The following KSR2 variants were observed in gnomAD, a reference collection of about 807,000 sequenced individuals.
KSR2 encodes the protein kinase suppressor of ras 2.
A neutral mutation model predicts 107.8 loss-of-function variants in KSR2; 25 were observed. That is an observed-to-expected ratio of 0.23 (90% CI 0.17 to 0.32). The LOEUF (loss-of-function observed/expected upper bound fraction) is 0.32. Ranked by LOEUF, KSR2 falls within the 10% of genes least tolerant of loss-of-function variation. The probability of loss-of-function intolerance (pLI) is 1.00; values close to 1 mark genes in which losing one functional copy is unlikely to be tolerated. For missense variants in KSR2, 887 were observed against 1,268.9 expected, an observed-to-expected ratio of 0.70 and a Z score of 4.57; for synonymous variants, 480 against 507.0, an observed-to-expected ratio of 0.95 and a Z score of 0.71.
chr12:117,932,165 T>C (rs759837664), intron 1 of KSR2, among the ~76,000 whole-genome samples: 20 of 152,124 alleles, frequency 1.3e-4, no homozygotes, highest in Admixed American at 1.3e-4. Context: ...TGGGCGCCTG[T>C]AATCTCGGCT....
At position 117,907,346 on chromosome 12, in the gene KSR2, T is replaced by G. The variant is rs992723645; in HGVS notation, c.181-46915A>C. On this transcript the variant is annotated intron_variant, in intron 1 of 19. Transcript: ENST00000339824. This position sits in a 1 kb window ranked among gnomAD's most constrained non-coding sequence, Gnocchi z 4.3. ...CAGGTGCACTCTCTTTGAGCCAGGA[T>G]TTATAAAGCTCAAGGAAATGAGTCC... Among the ~76,000 whole-genome samples the G allele has an allele frequency of 6.6e-6, 1 of 151,994 alleles. No homozygotes were observed. Among genetic ancestry groups the G allele is most frequent in the Admixed American group, 6.5e-5 (1 of 15,268 alleles).
In KSR2 at chr12:117,549,199, T is replaced by C. The variant is rs1471378716; in HGVS notation, c.1518+5970A>G. Among the ~76,000 whole-genome samples, 4 of 152,218 alleles carry C rather than the reference T, an allele frequency of 2.6e-5. No individual in the cohort carries two copies. In the South Asian group the frequency reaches 8.3e-4, roughly 32 times the overall value. On this transcript the variant is annotated intron_variant, in intron 9 of 19. Coordinates refer to ENST00000339824, the MANE Select transcript of KSR2 (RefSeq NM_173598.6). ...ATGGACATATTAGTGTAAGGAATAA[T>C]ATGTCAGTGACGTGTGGAGTGAAGA...
intron 3 of KSR2, among the ~76,000 whole-genome samples, chr12:117,812,369 T>C (rs544727398): frequency 6.6e-6 from 1 of 152,366 alleles, no homozygotes; most frequent in South Asian, 2.1e-4. Context: ...TGAATGTCAC[T>C]GGTTTCTTTT....
intron 1 of KSR2, among the ~76,000 whole-genome samples, chr12:117,957,748 TACACAC>T (rs60722226): frequency 4.1e-5 from 6 of 148,118 alleles, no homozygotes; most frequent in Admixed American, 3.4e-4. Flanking sequence ...AATTGTGAGT[TACACAC>T]ACACACACAC....
intron 1 of KSR2, among the ~76,000 whole-genome samples, chr12:117,882,851 A>C (rs963270532): frequency 2.6e-5 from 4 of 151,764 alleles, no homozygotes; most frequent in Admixed American, 2.0e-4. Flanking sequence ...CCATCCATCC[A>C]ACAATCCATC....
intron 10 of KSR2, among the ~76,000 whole-genome samples, chr12:117,534,320 CT>C (rs1375995480): frequency 6.6e-6 from 1 of 152,196 alleles, no homozygotes; most frequent in Non-Finnish European, 1.5e-5. Flanking sequence ...CTCTGAGTCT[CT>C]CTGGAGGCCA....
chr12:117,641,211 C>T (rs1883339205), intron 5 of KSR2, among the ~76,000 whole-genome samples: 1 of 152,152 alleles, frequency 6.6e-6, no homozygotes, highest in South Asian at 2.1e-4. Flanking sequence ...ATTCTCCTGC[C>T]TCAGTCTCCC....
chr12:117,688,346 C>T (rs774858479), intron 4 of KSR2, among the ~76,000 whole-genome samples: 2 of 152,178 alleles, frequency 1.3e-5, no homozygotes, highest in Admixed American at 6.5e-5. Context: ...CACTGCACCC[C>T]GGCCTGGGTG....
chr12:117,601,338 C>A (rs943452314), intron 5 of KSR2, among the ~76,000 whole-genome samples: 1 of 151,326 alleles, frequency 6.6e-6, no homozygotes, highest in Admixed American at 6.6e-5. Context: ...AGTGTCCTTC[C>A]CCAAAATTTA....
At chr12:117,620,970 T>C (rs1216398228) in intron 5 of KSR2, among the ~76,000 whole-genome samples, 1 of 152,174 alleles carries the variant, frequency 6.6e-6, no homozygotes, top group Non-Finnish European at 1.5e-5. Context: ...AGAGGATATA[T>C]AATCTGAGTC....
intron 3 of KSR2, among the ~76,000 whole-genome samples, chr12:117,803,051 C>T (rs1262203548): frequency 2.0e-5 from 3 of 152,044 alleles, no homozygotes; most frequent in Non-Finnish European, 4.4e-5. Context: ...TATTAATTCA[C>T]AAAAAAATAT....
intron 14 of KSR2, among the ~76,000 whole-genome samples, chr12:117,489,122 G>T (rs1392924981): frequency 2.6e-5 from 4 of 151,880 alleles, no homozygotes; most frequent in Non-Finnish European, 5.9e-5. Context: ...TGACCTACAT[G>T]CTGAAAGTCG....
chr12:117,576,854 C>G (rs10850843), intron 7 of KSR2, among the ~76,000 whole-genome samples: 44,716 of 150,120 alleles, frequency 0.3, 7,043 homozygotes, highest in African/African-American at 0.36. Flanking sequence ...GGGGTTCTCA[C>G]GATGTTGCCA....
intron 5 of KSR2, among the ~76,000 whole-genome samples, chr12:117,621,504 G>GTAA (rs1466791462): frequency 7.9e-5 from 12 of 152,138 alleles, no homozygotes; most frequent in Non-Finnish European, 1.8e-4. Context: ...GTAGCATGAG[G>GTAA]ATAAATATAG....
intron 7 of KSR2, among the ~76,000 whole-genome samples, chr12:117,575,002 G>A (rs557384310): frequency 2.6e-5 from 4 of 151,928 alleles, no homozygotes; most frequent in Admixed American, 6.6e-5. Flanking sequence ...TACTACTTTT[G>A]CAAAGTTCTC....
At chr12:117,764,960 C>T (rs1889174101) in intron 3 of KSR2, among the ~76,000 whole-genome samples, 1 of 152,206 alleles carries the variant, frequency 6.6e-6, no homozygotes. Context: ...AATAGGTACA[C>T]CATAAATGCT....
intron 4 of KSR2, among the ~76,000 whole-genome samples, chr12:117,673,201 T>C (rs897812259): frequency 5.9e-5 from 9 of 152,134 alleles, no homozygotes; most frequent in African/African-American, 2.2e-4. Flanking sequence ...AAGGGTTAGT[T>C]GGACAGAAGG....
intron 5 of KSR2, among the ~76,000 whole-genome samples, chr12:117,662,405 A>G (rs1884474966): frequency 6.6e-6 from 1 of 152,074 alleles, no homozygotes; most frequent in African/African-American, 2.4e-5. Context: ...CTTTCTTGGG[A>G]GTAGGCAGTT....
At chr12:117,611,247 A>G (rs1376327632) in intron 5 of KSR2, among the ~76,000 whole-genome samples, 1 of 152,034 alleles carries the variant, frequency 6.6e-6, no homozygotes, top group African/African-American at 2.4e-5. Context: ...TGTGAGATGA[A>G]CTCTGGGAGA....
Sources: allele counts gnomAD v4.1 joint callset (sites outside exome capture counted in the v4.1 genomes callset), GRCh38; gene constraint gnomAD v4.1.1; non-coding constraint Gnocchi (gnomAD v3.1); transcripts MANE v1.5; gene names NCBI Gene and HGNC (gene_info 2026-07-23, HGNC 2026-07-21).